The following DIAPH3 variants were observed in gnomAD, a reference collection of about 807,000 sequenced individuals.
DIAPH3 encodes protein diaphanous homolog 3.
A neutral mutation model predicts 144.3 loss-of-function variants in DIAPH3; 117 were observed. The ratio of observed to expected loss-of-function variants is 0.81; its 90% confidence interval spans 0.70 to 0.95. DIAPH3 has a LOEUF of 0.95. DIAPH3 is among the 40% of genes least tolerant of loss of function. The pLI is 0.00. For synonymous variants in DIAPH3, 519 were observed against 488.9 expected (o/e 1.06, Z -0.81); for missense variants, 1,421 against 1,412.7 (o/e 1.01, Z -0.09).
At chr13:60,036,306 A>G (rs1594448373) in intron 5 of DIAPH3, among the ~76,000 whole-genome samples, 1 of 152,212 alleles carries the variant, frequency 6.6e-6, no homozygotes, top group Admixed American at 6.5e-5. Context: ...AAGGCCCCTT[A>G]GGCAGCACTG....
intron 14 of DIAPH3, among the ~76,000 whole-genome samples, chr13:59,975,786 T>C (rs1236260900): frequency 6.6e-6 from 1 of 151,984 alleles, no homozygotes; most frequent in Non-Finnish European, 1.5e-5. Flanking sequence ...TTTATTAAAA[T>C]AACAAAAACT....
intron 13 of DIAPH3, among the ~76,000 whole-genome samples, chr13:59,982,746 T>A (rs148901711): frequency 2.3e-3 from 344 of 151,852 alleles, no homozygotes; most frequent in African/African-American, 7.6e-3. Context: ...TGATAAATGT[T>A]GCACTTTTAA....
intron 4 of DIAPH3, among the ~76,000 whole-genome samples, chr13:60,047,254 A>G (rs1412072275): frequency 6.6e-6 from 1 of 152,166 alleles, no homozygotes; most frequent in Admixed American, 6.5e-5. Context: ...TAAGAAATCC[A>G]TTAAGTACAT....
At chr13:60,061,537 TA>T (rs200950589) in intron 4 of DIAPH3, among the ~76,000 whole-genome samples, 36,237 of 145,294 alleles carry the variant, frequency 0.25, 5,226 homozygotes, top group Admixed American at 0.38. Context: ...CCATAACATT[TA>T]AAAAAAAAAA....
At chr13:59,734,253 C>T (rs889209963) in intron 27 of DIAPH3, among the ~76,000 whole-genome samples, 14 of 151,948 alleles carry the variant, frequency 9.2e-5, no homozygotes, top group Non-Finnish European at 8.8e-5. Flanking sequence ...ATACATAATA[C>T]GTGACATTCT....
intron 17 of DIAPH3, among the ~76,000 whole-genome samples, chr13:59,943,568 G>GT (rs1389662521): frequency 6.6e-6 from 1 of 152,094 alleles, no homozygotes; most frequent in South Asian, 2.1e-4. Context: ...AAATCACTGA[G>GT]TTAGGCTCTC....
At chr13:59,858,352 C>A (rs1294755210) in intron 22 of DIAPH3, among the ~76,000 whole-genome samples, 1 of 152,116 alleles carries the variant, frequency 6.6e-6, no homozygotes, top group Non-Finnish European at 1.5e-5. Flanking sequence ...CACTAAGACA[C>A]AGACACTACA....
intron 8 of DIAPH3, 113 bp from the exon 9 acceptor site, chr13:60,008,762 A>T: frequency 1.3e-6 from 1 of 744,850 alleles, no homozygotes. Context: ...ATATTTTAGA[A>T]GTAGATTACT....
intron 25 of DIAPH3, among the ~76,000 whole-genome samples, chr13:59,782,939 C>T (rs574201029): frequency 3.9e-5 from 6 of 152,090 alleles, no homozygotes; most frequent in Non-Finnish European, 5.9e-5. Context: ...GGTAACGCTG[C>T]GAGGTGAAGG....
intron 5 of DIAPH3, among the ~76,000 whole-genome samples, chr13:60,032,127 C>T (rs1191123328): frequency 1.3e-5 from 2 of 152,198 alleles, no homozygotes; most frequent in African/African-American, 4.8e-5. Context: ...CCTTAGGTAG[C>T]TCTGCCCCTG....
chr13:59,716,447 T>G, intron 27 of DIAPH3, among the ~76,000 whole-genome samples: 1 of 152,140 alleles, frequency 6.6e-6, no homozygotes, highest in East Asian at 1.9e-4. Context: ...AGTGCTGGGA[T>G]TACAGGCATG....
chr13:59,971,229 T>C, intron 15 of DIAPH3, 69 bp from the exon 16 acceptor site: 2 of 1,448,990 alleles, frequency 1.4e-6, no homozygotes, highest in Non-Finnish European at 1.9e-6. Flanking sequence ...TGCACTTTAC[T>C]CAAAAATAAG....
intron 4 of DIAPH3, among the ~76,000 whole-genome samples, chr13:60,092,884 T>C (rs1273905108): frequency 6.6e-6 from 1 of 152,198 alleles, no homozygotes; most frequent in East Asian, 1.9e-4. Flanking sequence ...CAAGGAAAAC[T>C]AGTGTGTTAA....
At chr13:59,979,856 T>C (rs1043437042) in intron 14 of DIAPH3, among the ~76,000 whole-genome samples, 1 of 151,622 alleles carries the variant, frequency 6.6e-6, no homozygotes, top group African/African-American at 2.4e-5. Flanking sequence ...AGAATTATCG[T>C]CACTCCTTCA....
At chr13:59,724,949 A>G (rs999600087) in intron 27 of DIAPH3, among the ~76,000 whole-genome samples, 1 of 152,160 alleles carries the variant, frequency 6.6e-6, no homozygotes, top group Non-Finnish European at 1.5e-5. Context: ...TTCAACTTTT[A>G]TTTATCAAGG....
chr13:60,069,444 A>T (rs960321227), intron 4 of DIAPH3, among the ~76,000 whole-genome samples: 14 of 151,914 alleles, frequency 9.2e-5, no homozygotes, highest in African/African-American at 3.4e-4. Context: ...TACTCTCTTG[A>T]TGGTTTCTTT....
intron 27 of DIAPH3, among the ~76,000 whole-genome samples, chr13:59,744,261 T>C (rs768746863): frequency 3.6e-4 from 55 of 152,348 alleles, no homozygotes; most frequent in Non-Finnish European, 5.6e-4. Context: ...ACAGATTATA[T>C]TGGTCAATTA....
intron 22 of DIAPH3, among the ~76,000 whole-genome samples, chr13:59,845,176 G>C (rs1473207378): frequency 6.6e-6 from 1 of 151,874 alleles, no homozygotes; most frequent in Admixed American, 6.6e-5. Flanking sequence ...CTCCTGAGTA[G>C]CTAGGATTAT....
chr13:60,129,171 T>C (rs1465811328), intron 2 of DIAPH3, among the ~76,000 whole-genome samples: 1 of 152,144 alleles, frequency 6.6e-6, no homozygotes. Context: ...TTTAGCATTG[T>C]CACATCCACA....
Sources: allele counts gnomAD v4.1 joint callset (sites outside exome capture counted in the v4.1 genomes callset), GRCh38; gene constraint gnomAD v4.1.1; transcripts MANE v1.5; gene names NCBI Gene and HGNC (gene_info 2026-07-23, HGNC 2026-07-21).